C1orf232: variants seen among roughly 807,000 people sequenced by gnomAD.
C1orf232 encodes chromosome 1 open reading frame 230, also known as uncharacterized protein C1orf232.
C1orf232 carries 10 observed loss-of-function variants against 12.1 expected under a neutral mutation model. That is an observed-to-expected ratio of 0.82 (90% CI 0.51 to 1.40). The LOEUF (loss-of-function observed/expected upper bound fraction) is 1.40. Among genes scored for constraint, C1orf232 ranks in the 40% most tolerant of loss-of-function variants. C1orf232 has a pLI of 0.00. For missense variants in C1orf232, 88 were observed against 98.4 expected (o/e 0.89, Z 0.45); for synonymous variants, 36 against 39.8 (o/e 0.90, Z 0.36).
chr1:26,165,852 C>T lies in C1orf232; in HGVS notation c.240G>A (p.Leu80=). Residue 80 remains leucine, a synonymous_variant, in exon 3 of 4, where the codon CTG becomes CTA. Coordinates refer to ENST00000634842, the MANE Select transcript of C1orf232 (RefSeq NM_001364669.2). The part of the protein sequence containing the change: ...SLFNKEDEDK[L]LPSEPCADHP... ...GGTCAGCGCAAGGCTCTGATGGCAG[C>T]AGCTTATCTTCATCTTCTTTGTTAA... 1.6e-6 allele frequency: 2 copies of T among 1,231,774 alleles called. No homozygotes were observed. The highest frequency in any genetic ancestry group is 2.0e-6 in the Non-Finnish European group (2 of 987,986). 76.3% of individuals were successfully genotyped at this position (1,231,774 alleles called of 1,614,324 possible).
At chr1:26,166,380 G>A (rs1252518699) in intron 1 of C1orf232, among the ~76,000 whole-genome samples, 1 of 152,074 alleles carries the variant, frequency 6.6e-6, no homozygotes, top group African/African-American at 2.4e-5. Context: ...GTGCAGTGGT[G>A]CGATCTCGGC....
At chr1:26,165,949 AG>A (rs1409961913) in intron 2 of C1orf232, 26 bp from the exon 3 acceptor site, 16 of 1,231,660 alleles carry the variant, frequency 1.3e-5, no homozygotes, top group Non-Finnish European at 1.6e-5. Flanking sequence ...GGAGTCAGGG[AG>A]GGGGTCCAGC....
Position 26,164,533 on chromosome 1 carries a change from T to C in C1orf232, c.267-78A>G, listed in dbSNP as rs896214755. On this transcript the variant is annotated intron_variant, in intron 3 of 3. Coordinates refer to ENST00000634842, the MANE Select transcript of C1orf232 (RefSeq NM_001364669.2). This position sits in a 1 kb window ranked among gnomAD's most constrained non-coding sequence, Gnocchi z 4.2. ...CATCGGCTGGGCTGACGGAGGAGTT[T>C]AGTGGGGCCGGGGGAACCTGGGCGG... 49 of 361,370 alleles carry C rather than the reference T, an allele frequency of 1.4e-4. 1 individual carries two copies. The highest frequency in any genetic ancestry group is 1.4e-4 in the Non-Finnish European group (28 of 202,474). 22.4% of individuals were successfully genotyped at this position (361,370 alleles called of 1,614,324 possible). A position where few individuals can be genotyped will look rare whatever the true frequency, so the allele number is the denominator to read the frequency against.
chr1:26,167,478 C>T (rs1289036682), intron 1 of C1orf232, among the ~76,000 whole-genome samples: 1 of 152,218 alleles, frequency 6.6e-6, no homozygotes. Flanking sequence ...GTGCCCACCA[C>T]CATGCCCAGC....
chr1:26,164,537 G>A lies in C1orf232; in HGVS notation c.267-82C>T. ...GGCTGGGCTGACGGAGGAGTTTAGT[G>A]GGGCCGGGGGAACCTGGGCGGAGTC... is the stretch of plus-strand genomic sequence containing the variant. On this transcript the variant is annotated intron_variant, in intron 3 of 3. Transcript: ENST00000634842. The surrounding 1 kb of genome is among the most constrained non-coding windows in gnomAD (Gnocchi z 4.2). 2.8e-6 allele frequency: 1 copy of A among 361,478 alleles called. No individual in the cohort carries two copies. The highest frequency in any genetic ancestry group is 4.9e-6 in the Non-Finnish European group (1 of 202,310). 22.4% of individuals were successfully genotyped at this position (361,478 alleles called of 1,614,324 possible).
In C1orf232 at chr1:26,164,105, G is replaced by C. The variant is rs1293738046; in HGVS notation, c.*56C>G. 2.5e-6 allele frequency: 1 copy of C among 397,680 alleles called. No individual in the cohort carries two copies. Among genetic ancestry groups the C allele is most frequent in the Non-Finnish European group, 4.4e-6 (1 of 225,638 alleles). The allele number at this position is 397,680 out of a possible 1,614,324, so 24.6% of individuals were successfully genotyped here. On this transcript the variant is annotated 3_prime_UTR_variant, in exon 4 of 4. Coordinates refer to ENST00000634842, the MANE Select transcript of C1orf232 (RefSeq NM_001364669.2). The surrounding 1 kb of genome is among the most constrained non-coding windows in gnomAD (Gnocchi z 4.2). ...AAAGCACGCGGTCACACAGGCTGTC[G>C]GGCCAGGGTTTTTTATCAGGGGTGG...
At position 26,164,454 on chromosome 1, in the gene C1orf232, G is replaced by A. The variant is rs1391788383; in HGVS notation, c.268C>T (p.Pro90Ser). 3 of 377,592 alleles carry A rather than the reference G, an allele frequency of 7.9e-6. No homozygotes were observed. In the Admixed American group the frequency reaches 1.4e-4, roughly 17 times the overall value. The allele number at this position is 377,592 out of a possible 1,614,324, so 23.4% of individuals were successfully genotyped here. A position where few individuals can be genotyped will look rare whatever the true frequency, so the allele number is the denominator to read the frequency against. The change falls in exon 4 of 4, where the codon CCT becomes TCT. Residue 90 changes from proline (P) to serine (S), a missense_variant and splice_region_variant. Coordinates refer to ENST00000634842, the MANE Select transcript of C1orf232 (RefSeq NM_001364669.2). The surrounding 1 kb of genome is among the most constrained non-coding windows in gnomAD (Gnocchi z 4.2). ...TGCGAGGGGGGTCGCGCCGCCAGAG[G>A]GCTGCGGGAGAGGGCCGCGGTCAGG... is the stretch of plus-strand genomic sequence containing the variant. ...LLPSEPCADH[P>S]LAARPPSQAA...
At chr1:26,166,536 C>T (rs1209333211) in intron 1 of C1orf232, among the ~76,000 whole-genome samples, 1 of 97,516 alleles carries the variant, frequency 1.0e-5, no homozygotes. Flanking sequence ...AGGCTGGTCT[C>T]GAACTCCTGG....
rs2088401750 is a variant in C1orf232, at chr1:26,164,406, GCGCCTCCGC to G, written c.307_315del (p.Ala103_Ala105del). 1 of 385,868 alleles carries G rather than the reference GCGCCTCCGC, an allele frequency of 2.6e-6. No individual in the cohort carries two copies. The highest frequency in any genetic ancestry group is 4.6e-6 in the Non-Finnish European group (1 of 218,106). 23.9% of individuals were successfully genotyped at this position (385,868 alleles called of 1,614,324 possible). On this transcript the variant is annotated inframe_deletion, in exon 4 of 4. Transcript: ENST00000634842. This position sits in a 1 kb window ranked among gnomAD's most constrained non-coding sequence, Gnocchi z 4.2. ...AACGCGTCCCAGAAGCCCGGGCCGC[GCGCCTCCGC>G]CGCCGCCGCCGCCTGCGAGGGGGGT...
rs1467625617 is a variant in C1orf232 at position 26,165,817 on chromosome 1, C to T, written c.266+9G>A. On this transcript the variant is annotated intron_variant, in intron 3 of 3. Transcript: ENST00000634842. The stretch of plus-strand genomic sequence containing the variant: ...CTTCCAGAACCACCACAAACACACA[C>T]GCACATACTGGTCAGCGCAAGGCTC... 7 of 1,231,794 alleles carry T rather than the reference C, an allele frequency of 5.7e-6. No individual in the cohort carries two copies. The South Asian group carries it at 1.2e-4, about 22-fold the overall frequency. 76.3% of individuals were successfully genotyped at this position (1,231,794 alleles called of 1,614,324 possible). A position where few individuals can be genotyped will look rare whatever the true frequency, so the allele number is the denominator to read the frequency against.
rs949129736 is a variant in C1orf232, at chr1:26,164,890, G to T, written c.267-435C>A. On this transcript the variant is annotated intron_variant, in intron 3 of 3. Coordinates refer to ENST00000634842, the MANE Select transcript of C1orf232 (RefSeq NM_001364669.2). This position sits in a 1 kb window ranked among gnomAD's most constrained non-coding sequence, Gnocchi z 4.2. ...CCTGAGGGAAGCCCTGGGGAAAAGA[G>T]GCGGGGCACAGACAGGAATCAGGTT... 3.9e-5 allele frequency among the ~76,000 whole-genome samples: 6 copies of T among 152,140 alleles called. No homozygotes were observed. Among genetic ancestry groups the T allele is most frequent in the Admixed American group, 3.3e-4 (5 of 15,272 alleles).
intron 1 of C1orf232, among the ~76,000 whole-genome samples, chr1:26,166,732 C>T (rs181773793): frequency 6.6e-6 from 1 of 152,270 alleles, no homozygotes; most frequent in East Asian, 1.9e-4. Context: ...ATGAGCATGC[C>T]CCCACATGGC....
At chr1:26,165,291 C>T (rs927760680) in intron 3 of C1orf232, among the ~76,000 whole-genome samples, 2 of 151,996 alleles carry the variant, frequency 1.3e-5, no homozygotes, top group East Asian at 3.9e-4. Flanking sequence ...AGGTCCCACC[C>T]GCTAATCCTT....
Position 26,165,723 on chromosome 1 carries a change from A to C in C1orf232, c.266+103T>G, listed in dbSNP as rs551888647. 3.2e-5 allele frequency: 39 copies of C among 1,231,466 alleles called. No individual in the cohort carries two copies. In the South Asian group the frequency reaches 1.5e-3, roughly 46 times the overall value. 76.3% of individuals were successfully genotyped at this position (1,231,466 alleles called of 1,614,324 possible). ...AAACAGCCTGGGACTGCCCCTCCCC[A>C]GCCCTCAGTGGTTAGAAAGACAAAC... On this transcript the variant is annotated intron_variant, in intron 3 of 3. Transcript: ENST00000634842.
rs1038674582 is a variant in C1orf232, at chr1:26,164,971, A to T, written c.267-516T>A. On this transcript the variant is annotated intron_variant, in intron 3 of 3. Coordinates refer to ENST00000634842, the MANE Select transcript of C1orf232 (RefSeq NM_001364669.2). The surrounding 1 kb of genome is among the most constrained non-coding windows in gnomAD (Gnocchi z 4.2). ...ACGGGAGAAAGGTGGAGCGACAGGAAGGCCTAGGTCAGAGGCTTAGGGGAG... is the reference window on the plus strand; with the variant it reads ...ACGGGAGAAAGGTGGAGCGACAGGATGGCCTAGGTCAGAGGCTTAGGGGAG... 6.6e-6 allele frequency among the ~76,000 whole-genome samples: 1 copy of T among 151,988 alleles called. No individual in the cohort carries two copies. Among genetic ancestry groups the T allele is most frequent in the Non-Finnish European group, 1.5e-5 (1 of 67,998 alleles).
intron 3 of C1orf232, 82 bp downstream of exon 3, chr1:26,165,744 C>T: frequency 8.1e-7 from 1 of 1,231,644 alleles, no homozygotes; most frequent in Non-Finnish European, 1.0e-6. Context: ...GTTAGAAAGA[C>T]AAACAAACCA....
rs1395585072 is a variant in C1orf232 at position 26,165,861 on chromosome 1, T to G, written c.231A>C (p.Glu77Asp). The change falls in exon 3 of 4, where the codon GAA becomes GAC. Residue 77 changes from glutamate (E) to aspartate (D), a missense_variant. Glu to Asp is a conservative substitution (Grantham distance 45). Coordinates refer to ENST00000634842, the MANE Select transcript of C1orf232 (RefSeq NM_001364669.2). The stretch of plus-strand genomic sequence containing the variant: ...AAGGCTCTGATGGCAGCAGCTTATC[T>G]TCATCTTCTTTGTTAAACAGAGATG... ...TMSSLFNKEDEDKLLPSEPCA... is the reference protein window; with the variant it reads ...TMSSLFNKEDDDKLLPSEPCA... 4.1e-6 allele frequency: 5 copies of G among 1,231,654 alleles called. No individual in the cohort carries two copies. The African/African-American group carries it at 7.8e-5, about 19-fold the overall frequency. 76.3% of individuals were successfully genotyped at this position (1,231,654 alleles called of 1,614,324 possible).
rs962648825 is a variant in C1orf232 at position 26,168,920 on chromosome 1, T to A, written c.-421A>T. Among the ~76,000 whole-genome samples the A allele has an allele frequency of 6.6e-6, 1 of 152,190 alleles. No homozygotes were observed. The highest frequency in any genetic ancestry group is 1.5e-5 in the Non-Finnish European group (1 of 68,028). Reference sequence around the variant, plus strand: ...GACTGTAGTCATACTAGTTGTGTCCTCAGCAGGGCTCCACCCTGTGTCCCT... The same window carrying A: ...GACTGTAGTCATACTAGTTGTGTCCACAGCAGGGCTCCACCCTGTGTCCCT... On this transcript the variant is annotated 5_prime_UTR_variant, in exon 1 of 4. Transcript: ENST00000634842.
chr1:26,168,500 G>A lies in C1orf232; in HGVS notation c.-1C>T. The A allele has an allele frequency of 1.6e-6, 2 of 1,232,008 alleles. No individual in the cohort carries two copies. The allele number at this position is 1,232,008 out of a possible 1,614,324, so 76.3% of individuals were successfully genotyped here. On this transcript the variant is annotated 5_prime_UTR_variant, in exon 1 of 4. Transcript: ENST00000634842. The stretch of plus-strand genomic sequence containing the variant: ...AGGTTTTCCAGAAGGCCTGGTTCAT[G>A]GCTGCAGGGGGAAGGGGCCTGGCAC...
Sources: gnomAD v4.1 joint callset for allele counts (sites outside exome capture counted in the v4.1 genomes callset) on GRCh38, gnomAD v4.1.1 for gene constraint, Gnocchi (gnomAD v3.1) non-coding constraint, MANE v1.5 for transcripts, NCBI Gene and HGNC (gene_info 2026-07-23, HGNC 2026-07-21) for gene names.